Variants in ROBO1 observed in about 807,000 individuals in gnomAD.
ROBO1 encodes the protein roundabout guidance receptor 1, also known as roundabout homolog 1.
ROBO1 carries 149 observed loss-of-function variants against 195.9 expected under a neutral mutation model. The observed-to-expected ratio is 0.76, with a 90% confidence interval of 0.67 to 0.87. The LOEUF is 0.87. Among genes scored for constraint, ROBO1 ranks in the 40% least tolerant of loss-of-function variants. The pLI is 0.00. For missense variants in ROBO1, 1,933 were observed against 2,068.3 expected, an observed-to-expected ratio of 0.93 and a Z score of 1.27; for synonymous variants, 816 against 733.2, an observed-to-expected ratio of 1.11 and a Z score of -1.82.
chr3:79,145,728 T>C (rs994237791), intron 2 of ROBO1, among the ~76,000 whole-genome samples: 1 of 152,018 alleles, frequency 6.6e-6, no homozygotes, highest in Admixed American at 6.6e-5. Flanking sequence ...CACAACCTTT[T>C]ATTCAATAAA....
chr3:79,178,015 T>C (rs1019441316), intron 2 of ROBO1, among the ~76,000 whole-genome samples: 5 of 152,334 alleles, frequency 3.3e-5, no homozygotes, highest in Admixed American at 3.3e-4. Flanking sequence ...GTGAGAAACA[T>C]TTTAAAGTAG....
At chr3:79,253,727 TA>T (rs1239055426) in intron 2 of ROBO1, among the ~76,000 whole-genome samples, 1 of 152,178 alleles carries the variant, frequency 6.6e-6, no homozygotes, top group Non-Finnish European at 1.5e-5. Context: ...GCAAAAATCT[TA>T]ATAAAGAAGG....
At chr3:79,498,143 C>A (rs1000135773) in intron 2 of ROBO1, among the ~76,000 whole-genome samples, 1 of 152,104 alleles carries the variant, frequency 6.6e-6, no homozygotes, top group African/African-American at 2.4e-5. Flanking sequence ...CCAGTGTTCA[C>A]AGAAATATGA....
chr3:79,349,872 A>G (rs892070802), intron 2 of ROBO1, among the ~76,000 whole-genome samples: 2 of 152,204 alleles, frequency 1.3e-5, no homozygotes, highest in Non-Finnish European at 1.5e-5. Flanking sequence ...AGTTGAATCT[A>G]TGTGACCTTG....
chr3:79,734,592 G>A (rs1234882912), intron 1 of ROBO1, among the ~76,000 whole-genome samples: 1 of 152,150 alleles, frequency 6.6e-6, no homozygotes, highest in African/African-American at 2.4e-5. Flanking sequence ...CTGGACTCCT[G>A]CATTCCTACT....
intron 2 of ROBO1, among the ~76,000 whole-genome samples, chr3:79,518,657 A>G (rs1941058843): frequency 6.6e-6 from 1 of 152,098 alleles, no homozygotes; most frequent in East Asian, 1.9e-4. Context: ...TAGATAATAA[A>G]CATTCTCCAA....
intron 4 of ROBO1, among the ~76,000 whole-genome samples, chr3:78,920,466 G>A (rs558895149): frequency 1.7e-4 from 26 of 151,582 alleles, no homozygotes; most frequent in African/African-American, 6.1e-4. Context: ...CACCACGCAC[G>A]GCTAACTTTT....
chr3:79,518,765 G>A (rs1352483663), intron 2 of ROBO1, among the ~76,000 whole-genome samples: 2 of 151,580 alleles, frequency 1.3e-5, no homozygotes, highest in Admixed American at 6.6e-5. Context: ...ACTGCCTCCC[G>A]GGTTCAAGCA....
chr3:79,550,197 A>AAGAAAGAAAGAAAGAAAG (rs1553762955), intron 2 of ROBO1, among the ~76,000 whole-genome samples: 1 of 19,298 alleles, frequency 5.2e-5, no homozygotes, highest in Non-Finnish European at 1.3e-4. Flanking sequence ...GAAAGAAAGG[A>AAGAAAGAAAGAAAGAAAG]AAAGAAAAGA....
At chr3:79,118,302 T>C (rs959487484) in intron 3 of ROBO1, among the ~76,000 whole-genome samples, 7 of 151,902 alleles carry the variant, frequency 4.6e-5, no homozygotes, top group Admixed American at 3.9e-4. Context: ...CAAATATTAA[T>C]TTTCTTGCAT....
chr3:78,823,599 G>A (rs986960872), intron 4 of ROBO1, among the ~76,000 whole-genome samples: 3 of 152,170 alleles, frequency 2.0e-5, no homozygotes, highest in Non-Finnish European at 4.4e-5. Context: ...GCCCTCTGAG[G>A]TCTGACCCTG....
intron 2 of ROBO1, among the ~76,000 whole-genome samples, chr3:79,152,500 A>C (rs1273321605): frequency 6.6e-6 from 1 of 151,850 alleles, no homozygotes; most frequent in Non-Finnish European, 1.5e-5. Context: ...TGAACTGTTC[A>C]AAGAAGGAAA....
At chr3:78,718,790 G>A (rs535539442) in intron 5 of ROBO1, among the ~76,000 whole-genome samples, 1 of 140,194 alleles carries the variant, frequency 7.1e-6, no homozygotes, top group African/African-American at 2.7e-5. Flanking sequence ...GAAGAAGGAA[G>A]GAAGGAAGGA....
intron 3 of ROBO1, among the ~76,000 whole-genome samples, chr3:78,951,978 T>A (rs111574801): frequency 0.019 from 2,874 of 151,884 alleles, 104 homozygotes; most frequent in African/African-American, 0.065. Flanking sequence ...GAATTATATA[T>A]ATAATTTTAT....
chr3:78,919,578 T>C (rs2038825072), intron 4 of ROBO1, among the ~76,000 whole-genome samples: 1 of 152,188 alleles, frequency 6.6e-6, no homozygotes, highest in South Asian at 2.1e-4. Flanking sequence ...CTTTAAAAGA[T>C]TACCTATTCC....
chr3:79,483,042 A>T (rs1265409152), intron 2 of ROBO1, among the ~76,000 whole-genome samples: 1 of 152,210 alleles, frequency 6.6e-6, no homozygotes, highest in Non-Finnish European at 1.5e-5. Context: ...TTTGGAATAG[A>T]GCGACTTCTC....
At chr3:78,757,768 T>C (rs1290679202) in intron 4 of ROBO1, among the ~76,000 whole-genome samples, 1 of 152,162 alleles carries the variant, frequency 6.6e-6, no homozygotes, top group African/African-American at 2.4e-5. Context: ...ATTTCAGTGA[T>C]AGAAAAAACC....
intron 4 of ROBO1, among the ~76,000 whole-genome samples, chr3:78,859,007 C>T (rs1226167551): frequency 6.6e-6 from 1 of 152,026 alleles, no homozygotes; most frequent in African/African-American, 2.4e-5. Flanking sequence ...TCTCAACGTG[C>T]GTAAATCACT....
intron 3 of ROBO1, among the ~76,000 whole-genome samples, chr3:79,029,733 T>G (rs975865330): frequency 2.0e-5 from 3 of 152,210 alleles, no homozygotes; most frequent in Non-Finnish European, 4.4e-5. Flanking sequence ...ATCTTTTAAG[T>G]TTCAGATCAA....
Sources: gnomAD v4.1 joint callset for allele counts (sites outside exome capture counted in the v4.1 genomes callset) on GRCh38, gnomAD v4.1.1 for gene constraint, MANE v1.5 for transcripts, NCBI Gene and HGNC (gene_info 2026-07-23, HGNC 2026-07-21) for gene names.